ATP10B: variants seen among roughly 807,000 people sequenced by gnomAD.
ATP10B encodes the protein phospholipid-transporting ATPase VB.
ATP10B carries 122 observed loss-of-function variants against 141.2 expected under a neutral mutation model. The ratio of observed to expected loss-of-function variants is 0.86; its 90% CI spans 0.75 to 1.00. The LOEUF is 1.00. ATP10B is among the 50% of genes least tolerant of loss of function. The pLI is 0.00. For synonymous variants in ATP10B, 685 were observed against 692.0 expected (o/e 0.99, Z 0.16); for missense variants, 1,876 against 1,825.3 (o/e 1.03, Z -0.51).
chr5:160,684,835 C>T (rs1194243634), intron 6 of ATP10B: 2 of 683,256 alleles, frequency 2.9e-6, no homozygotes, highest in African/African-American at 1.8e-5. Context: ...TTTGCTTTAC[C>T]TGCTGTAGAT....
At chr5:160,615,740 A>T in intron 17 of ATP10B, 98 bp downstream of exon 17, 1 of 1,473,372 alleles carries the variant, frequency 6.8e-7, no homozygotes, top group Non-Finnish European at 9.3e-7. Context: ...AAGGCTGCTA[A>T]TGGAGACATA....
At chr5:160,589,458 T>C (rs1756128239) in intron 24 of ATP10B, 134 bp downstream of exon 24, 1 of 700,534 alleles carries the variant, frequency 1.4e-6, no homozygotes, top group Non-Finnish European at 2.6e-6. Context: ...CCTGTACAGG[T>C]AGGACATAGG....
At position 160,807,290 on chromosome 5, in the gene ATP10B, G is replaced by A. The variant is rs952228597; in HGVS notation, c.-575-21487C>T. Among the ~76,000 whole-genome samples the A allele has an allele frequency of 2.6e-5, 4 of 152,112 alleles. No individual in the cohort carries two copies. The East Asian group carries it at 7.7e-4, about 29-fold the overall frequency. The stretch of plus-strand genomic sequence containing the variant: ...CTATTTGGTGAGGGGCAAGGAAGGA[G>A]GGAAACTTAATTTTCACTGTAAACC... On this transcript the variant is annotated intron_variant, in intron 1 of 25. Transcript: ENST00000327245.
chr5:160,807,133 T>C (rs1477281003), intron 1 of ATP10B, among the ~76,000 whole-genome samples: 1 of 152,128 alleles, frequency 6.6e-6, no homozygotes, highest in Non-Finnish European at 1.5e-5. Flanking sequence ...AATATGGAAA[T>C]TACAAGGGAG....
chr5:160,719,003 G>T (rs1368372149), intron 2 of ATP10B, among the ~76,000 whole-genome samples: 1 of 152,160 alleles, frequency 6.6e-6, no homozygotes, highest in Non-Finnish European at 1.5e-5. Flanking sequence ...AAACTCAACA[G>T]GATTGAAGTT....
At chr5:160,623,672 T>C (rs1322721961) in intron 13 of ATP10B, among the ~76,000 whole-genome samples, 1 of 152,174 alleles carries the variant, frequency 6.6e-6, no homozygotes, top group Non-Finnish European at 1.5e-5. Context: ...TTGACCTATA[T>C]GTTATTTGTT....
In ATP10B at chr5:160,603,996, C is replaced by G; in HGVS notation, c.3206G>C (p.Gly1069Ala). The G allele has an allele frequency of 6.2e-7, 1 of 1,613,828 alleles. No homozygotes were observed. The highest frequency in any genetic ancestry group is 8.5e-7 in the Non-Finnish European group (1 of 1,179,844). The change falls in exon 20 of 26, where the codon GGA (glycine) becomes GCA (alanine). Residue 1069 changes from glycine (G) to alanine (A), a missense_variant. Gly to Ala is a moderately conservative substitution (Grantham distance 60). Transcript: ENST00000327245. ...GCCTTCCTGTCCAGATATTCCAATT[C>G]CAATATCAGCAGCTTGAATCATGCT... ...DVSMIQAADI[G>A]IGISGQEGMQ...
chr5:160,706,400 A>T (rs1374976064), intron 3 of ATP10B, among the ~76,000 whole-genome samples: 1 of 152,228 alleles, frequency 6.6e-6, no homozygotes, highest in Non-Finnish European at 1.5e-5. Flanking sequence ...TATATAATTA[A>T]TATGGATTTA....
At chr5:160,811,829 C>T (rs1773172671) in intron 1 of ATP10B, among the ~76,000 whole-genome samples, 1 of 152,114 alleles carries the variant, frequency 6.6e-6, no homozygotes, top group Non-Finnish European at 1.5e-5. Flanking sequence ...GATTTTAGAG[C>T]TCCAGGGCCT....
intron 7 of ATP10B, among the ~76,000 whole-genome samples, chr5:160,652,886 TA>T (rs1238772340): frequency 1.1e-5 from 1 of 89,166 alleles, no homozygotes; most frequent in Non-Finnish European, 2.0e-5. Context: ...AATATATATA[TA>T]ATTATATAAT....
At chr5:160,652,715 TTATA>T (rs1331014970) in intron 7 of ATP10B, among the ~76,000 whole-genome samples, 1 of 123,034 alleles carries the variant, frequency 8.1e-6, no homozygotes. Flanking sequence ...CATATATAAT[TTATA>T]TATAATATAT....
chr5:160,832,905 T>A lies in ATP10B; in HGVS notation c.-576+19036A>T, dbSNP rs145529282. ...GTCAGGCATGGGCTGGCATGACACA[T>A]TAGAATCCTGGGCAAATCTAGCCCA... is the stretch of plus-strand genomic sequence containing the variant. On this transcript the variant is annotated intron_variant, in intron 1 of 25. Coordinates refer to ENST00000327245, the MANE Select transcript of ATP10B (RefSeq NM_025153.3). 6.0e-3 allele frequency among the ~76,000 whole-genome samples: 914 copies of A among 152,162 alleles called. 13 individuals are homozygous for A. Among genetic ancestry groups the A allele is most frequent in the African/African-American group, 0.021 (871 of 41,520 alleles).
At chr5:160,626,903 C>T (rs1353534907) in intron 13 of ATP10B, among the ~76,000 whole-genome samples, 3 of 152,260 alleles carry the variant, frequency 2.0e-5, no homozygotes, top group East Asian at 3.9e-4. Context: ...TCAGGTATAG[C>T]AGTTTGTTGC....
the ATP10B span, among the ~76,000 whole-genome samples, chr5:160,917,006 G>A: frequency 1.3e-5 from 2 of 152,314 alleles, no homozygotes; most frequent in East Asian, 3.9e-4. Context: ...GTACGTGTGT[G>A]CAAAGGTGTG....
chr5:160,604,084 G>A, intron 19 of ATP10B, 43 bp from the exon 20 acceptor site: 1 of 1,476,782 alleles, frequency 6.8e-7, no homozygotes, highest in Non-Finnish European at 9.5e-7. Context: ...TGGTCCAACT[G>A]CTCAGTGACA....
chr5:160,576,488 T>G (rs1441621065), intron 24 of ATP10B, among the ~76,000 whole-genome samples: 1 of 151,892 alleles, frequency 6.6e-6, no homozygotes, highest in African/African-American at 2.4e-5. Flanking sequence ...GGGCCAGAAG[T>G]TAGGAAAGGG....
Position 160,565,315 on chromosome 5 carries a change from C to T in ATP10B, c.*138G>A. ...GTCAGACCCCTTGGGGCCAGCACTT[C>T]CTCCATGGAAGTCAAGGTTGTTGAA... is the stretch of plus-strand genomic sequence containing the variant. On this transcript the variant is annotated 3_prime_UTR_variant, in exon 26 of 26. Coordinates refer to ENST00000327245, the MANE Select transcript of ATP10B (RefSeq NM_025153.3). The T allele has an allele frequency of 1.1e-6, 1 of 912,390 alleles. No individual in the cohort carries two copies. The highest frequency in any genetic ancestry group is 1.7e-5 in the South Asian group (1 of 57,692). 56.5% of individuals were successfully genotyped at this position (912,390 alleles called of 1,614,324 possible). A position where few individuals can be genotyped will look rare whatever the true frequency, so the allele number is the denominator to read the frequency against.
chr5:160,742,091 CCTCT>C (rs1767518972), intron 2 of ATP10B, among the ~76,000 whole-genome samples: 1 of 152,170 alleles, frequency 6.6e-6, no homozygotes, highest in Admixed American at 6.5e-5. Context: ...CAACTGACAA[CCTCT>C]CTGACTCTTA....
At chr5:160,880,186 AT>A in the ATP10B span, among the ~76,000 whole-genome samples, 2 of 144,304 alleles carry the variant, frequency 1.4e-5, no homozygotes, top group Non-Finnish European at 3.0e-5. Flanking sequence ...TAATGTAAAT[AT>A]TTTTATATAT....
Sources: gnomAD v4.1 joint callset for allele counts (sites outside exome capture counted in the v4.1 genomes callset) on GRCh38, gnomAD v4.1.1 for gene constraint, MANE v1.5 for transcripts, NCBI Gene and HGNC (gene_info 2026-07-23, HGNC 2026-07-21) for gene names.